The following VPS54 variants were observed in gnomAD, a reference collection of about 807,000 sequenced individuals.
VPS54 encodes the protein vacuolar protein sorting-associated protein 54.
Under a neutral mutation model 121.5 loss-of-function variants are expected in VPS54, and 45 were observed. The ratio of observed to expected loss-of-function variants is 0.37; its 90% CI spans 0.29 to 0.47. VPS54 has a LOEUF of 0.47. VPS54 is among the 20% of genes least tolerant of loss of function. VPS54 has a pLI of 0.99. For missense variants in VPS54, 1,090 were observed against 1,131.4 expected, an observed-to-expected ratio of 0.96 and a Z score of 0.52; for synonymous variants, 371 against 385.8, an observed-to-expected ratio of 0.96 and a Z score of 0.45.
At chr2:63,971,880 A>AGG (rs1217557233) in intron 4 of VPS54, among the ~76,000 whole-genome samples, 2 of 152,212 alleles carry the variant, frequency 1.3e-5, no homozygotes, top group Non-Finnish European at 2.9e-5. Context: ...AGTTGGGACT[A>AGG]CACACATGTG....
intron 12 of VPS54, among the ~76,000 whole-genome samples, chr2:63,929,785 G>A (rs1674098008): frequency 4.1e-5 from 6 of 146,000 alleles, no homozygotes; most frequent in Non-Finnish European, 9.2e-5. Context: ...CTAATAAGAA[G>A]AGAAAGAAAA....
intron 12 of VPS54, among the ~76,000 whole-genome samples, chr2:63,932,092 G>A (rs1467030190): frequency 6.6e-6 from 1 of 152,212 alleles, no homozygotes; most frequent in Non-Finnish European, 1.5e-5. Flanking sequence ...GTGGAAGACA[G>A]TGTGGCGATT....
chr2:63,917,005 C>G (rs10496103), intron 15 of VPS54, 42 bp from the exon 16 acceptor site: 2 of 1,599,284 alleles, frequency 1.3e-6, no homozygotes, highest in Non-Finnish European at 1.7e-6. Context: ...GAGTACCAGA[C>G]GAAACAAAAT....
chr2:63,985,607 T>C (rs143775063), intron 1 of VPS54, among the ~76,000 whole-genome samples: 1 of 151,850 alleles, frequency 6.6e-6, no homozygotes, highest in Non-Finnish European at 1.5e-5. Context: ...TAATCAATCA[T>C]AAGACTAAGG....
At chr2:64,009,676 T>C (rs1678336529) in intron 1 of VPS54, among the ~76,000 whole-genome samples, 1 of 152,030 alleles carries the variant, frequency 6.6e-6, no homozygotes, top group African/African-American at 2.4e-5. Context: ...TGTGCACCTG[T>C]AACGTGGGAT....
chr2:63,893,562 T>G, intron 22 of VPS54, 27 bp from the exon 23 acceptor site: 1 of 1,580,046 alleles, frequency 6.3e-7, no homozygotes, highest in Non-Finnish European at 8.6e-7. Context: ...AAATTATTTT[T>G]TAAATCTCAA....
Position 63,912,641 on chromosome 2 carries a change from G to A in VPS54, c.2443C>T (p.Gln815Ter). The A allele has an allele frequency of 1.3e-6, 2 of 1,574,942 alleles. No individual in the cohort carries two copies. Among genetic ancestry groups the A allele is most frequent in the East Asian group, 2.3e-5 (1 of 43,694 alleles). ...ACAGGAATGTAGTGCACAATTAACT[G>A]CAAACATCGTGAAGAAAGAGCTGAA... is the stretch of plus-strand genomic sequence containing the variant. ...KNLALSSRCLQLIVHYIPVIR... is the reference protein window; with the variant it reads ...KNLALSSRCL Residue 815 changes from glutamine (Q) to a stop codon, truncating the protein, a stop_gained, in exon 19 of 23, where the codon CAG becomes TAG. Transcript: ENST00000272322. LOFTEE classifies it high-confidence loss of function.
chr2:63,920,653 GAGTT>G (rs1673599414), intron 13 of VPS54, 26 bp from the exon 14 acceptor site: 2 of 1,385,806 alleles, frequency 1.4e-6, no homozygotes, highest in Non-Finnish European at 1.9e-6. Flanking sequence ...AAAATCATGA[GAGTT>G]AGTGTAACAC....
intron 7 of VPS54, among the ~76,000 whole-genome samples, chr2:63,951,773 A>C (rs918969401): frequency 2.0e-5 from 3 of 152,170 alleles, no homozygotes; most frequent in African/African-American, 7.2e-5. Context: ...AACTTTCACA[A>C]ATCTCCAAAA....
At chr2:63,933,590 A>G in intron 12 of VPS54, 83 bp downstream of exon 12, 2 of 1,279,146 alleles carry the variant, frequency 1.6e-6, no homozygotes, top group Non-Finnish European at 1.1e-6. Flanking sequence ...TGGTTTTTCA[A>G]TAAACTGAAT....
intron 1 of VPS54, among the ~76,000 whole-genome samples, chr2:64,006,764 G>A (rs150993960): frequency 0.017 from 2,632 of 152,126 alleles, 66 homozygotes; most frequent in African/African-American, 0.049. Flanking sequence ...GACTACAGGC[G>A]CATGCCACCA....
At chr2:63,938,416 A>C (rs556739485) in intron 11 of VPS54, among the ~76,000 whole-genome samples, 18 of 152,242 alleles carry the variant, frequency 1.2e-4, no homozygotes, top group African/African-American at 4.1e-4. Context: ...CACCTGAAAG[A>C]CTAAGGCAGG....
chr2:63,913,922 G>A, intron 17 of VPS54: 1 of 1,256,540 alleles, frequency 8.0e-7, no homozygotes, highest in South Asian at 2.0e-5. Context: ...GTCATGTTCA[G>A]CACCTAACGA....
rs192918677 is a variant in VPS54 at position 63,978,840 on chromosome 2, G to C, written c.378+2806C>G. ...TCACCATGTTGGCCAGGCTGGTCTC[G>C]AACTCTTGACCTCAGGTGATCTGCC... On this transcript the variant is annotated intron_variant, in intron 3 of 22. Transcript: ENST00000272322. Among the ~76,000 whole-genome samples the C allele has an allele frequency of 2.3e-3, 344 of 152,178 alleles. 2 individuals carry two copies. The highest frequency in any genetic ancestry group is 0.02 in the Middle Eastern group (6 of 294).
chr2:63,943,444 C>G (rs912876440), intron 10 of VPS54, among the ~76,000 whole-genome samples: 1 of 152,148 alleles, frequency 6.6e-6, no homozygotes, highest in Non-Finnish European at 1.5e-5. Flanking sequence ...AATAGTGTCC[C>G]AATGACTTAT....
At chr2:63,911,723 G>T (rs569999082) in intron 20 of VPS54, among the ~76,000 whole-genome samples, 1 of 152,172 alleles carries the variant, frequency 6.6e-6, no homozygotes, top group African/African-American at 2.4e-5. Flanking sequence ...TGCTATTAAG[G>T]TTATTCCAAA....
intron 3 of VPS54, among the ~76,000 whole-genome samples, chr2:63,974,411 A>G (rs943376924): frequency 3.0e-4 from 46 of 152,090 alleles, no homozygotes; most frequent in African/African-American, 1.1e-3. Context: ...CTCTTTTAAT[A>G]CTGTGTTAGC....
chr2:63,984,053 C>T (rs538434224), intron 1 of VPS54, 34 bp from the exon 2 acceptor site: 75 of 1,500,586 alleles, frequency 5.0e-5, no homozygotes, highest in East Asian at 4.9e-4. Flanking sequence ...ATTAAGACAC[C>T]GCAAATCAAA....
chr2:63,919,834 A>C (rs770923396), intron 15 of VPS54, 49 bp downstream of exon 15: 1 of 1,375,100 alleles, frequency 7.3e-7, no homozygotes, highest in East Asian at 2.6e-5. Context: ...AATACAAAAT[A>C]AATAAACAAT....
Sources: gnomAD v4.1 joint callset for allele counts (sites outside exome capture counted in the v4.1 genomes callset) on GRCh38, gnomAD v4.1.1 for gene constraint, MANE v1.5 for transcripts, NCBI Gene and HGNC (gene_info 2026-07-23, HGNC 2026-07-21) for gene names.